The following RASSF8 variants were observed in gnomAD, a reference collection of about 807,000 sequenced individuals.
RASSF8 encodes ras association domain-containing protein 8.
A neutral mutation model predicts 48.5 loss-of-function variants in RASSF8; 22 were observed. That is an observed-to-expected ratio of 0.45 (90% confidence interval 0.32 to 0.65). RASSF8 has a LOEUF of 0.65. Among genes scored for constraint, RASSF8 ranks in the 30% least tolerant of loss-of-function variants. The probability of loss-of-function intolerance (pLI) is 0.03; values close to 1 mark genes in which losing one functional copy is unlikely to be tolerated. For synonymous variants in RASSF8, 127 were observed against 171.5 expected (o/e 0.74, Z 2.03); for missense variants, 418 against 489.2 (o/e 0.85, Z 1.37).
chr12:26,039,203 G>A (rs971941672), intron 2 of RASSF8, among the ~76,000 whole-genome samples: 1 of 152,202 alleles, frequency 6.6e-6, no homozygotes, highest in Non-Finnish European at 1.5e-5. Flanking sequence ...ATTGCCAGAA[G>A]AATTAGCTTT....
At chr12:26,035,390 A>AC (rs1943111966) in intron 2 of RASSF8, among the ~76,000 whole-genome samples, 1 of 144,946 alleles carries the variant, frequency 6.9e-6, no homozygotes, top group Non-Finnish European at 1.5e-5. Context: ...ATATAATATA[A>AC]TTATATGAAA....
chr12:25,998,203 T>A (rs1942174962), intron 2 of RASSF8, among the ~76,000 whole-genome samples: 1 of 152,248 alleles, frequency 6.6e-6, no homozygotes, highest in Non-Finnish European at 1.5e-5. Flanking sequence ...TACTGCAGTC[T>A]TAATTGGGTA....
intron 1 of RASSF8, among the ~76,000 whole-genome samples, chr12:25,974,092 G>T (rs1189208260): frequency 1.3e-5 from 2 of 152,110 alleles, no homozygotes; most frequent in Non-Finnish European, 2.9e-5. Flanking sequence ...GAGCTCGGTG[G>T]TCCAGGGAGA....
chr12:26,004,036 GTGT>G (rs1942326588), intron 2 of RASSF8, among the ~76,000 whole-genome samples: 1 of 152,052 alleles, frequency 6.6e-6, no homozygotes, highest in Admixed American at 6.5e-5. Context: ...AATTAGACAG[GTGT>G]TGTGACATAT....
At chr12:25,972,490 A>G (rs1941506829) in intron 1 of RASSF8, among the ~76,000 whole-genome samples, 2 of 152,180 alleles carry the variant, frequency 1.3e-5, no homozygotes, top group African/African-American at 4.8e-5. Context: ...CTAATGGTTA[A>G]TATCAGGGCA....
chr12:26,045,975 T>G (rs1452754435), intron 2 of RASSF8, among the ~76,000 whole-genome samples: 1 of 152,122 alleles, frequency 6.6e-6, no homozygotes, highest in East Asian at 1.9e-4. Flanking sequence ...GAAAAGTGAT[T>G]CTATTTTTGG....
intron 3 of RASSF8, among the ~76,000 whole-genome samples, chr12:26,060,790 T>C (rs1302639651): frequency 6.6e-6 from 1 of 152,190 alleles, no homozygotes; most frequent in Non-Finnish European, 1.5e-5. Context: ...TTCAGTGCTG[T>C]TGGATAGCTT....
At chr12:26,074,466 C>G (rs1046097835), downstream of RASSF8, among the ~76,000 whole-genome samples, 1 of 152,020 alleles carries the variant, frequency 6.6e-6, no homozygotes, top group Middle Eastern at 3.2e-3. Flanking sequence ...CCTCAGCCTC[C>G]TGAGTAGCTG....
Position 26,071,533 on chromosome 12 carries a change from G to A in RASSF8, c.*2715G>A, listed in dbSNP as rs1208798512. On this transcript the variant is annotated 3_prime_UTR_variant, in exon 6 of 6. Coordinates refer to ENST00000689635, the MANE Select transcript of RASSF8 (RefSeq NM_001394098.1). Reference sequence around the variant, plus strand: ...CATTGGTATATTTGACCTTTTGAGTGTCTGTCATCCTCAGAGAATGGCCCA... The same window carrying A: ...CATTGGTATATTTGACCTTTTGAGTATCTGTCATCCTCAGAGAATGGCCCA... 7.2e-6 allele frequency: 7 copies of A among 974,942 alleles called. No homozygotes were observed. The highest frequency in any genetic ancestry group is 4.7e-5 in the South Asian group (1 of 21,104). 60.4% of individuals were successfully genotyped at this position (974,942 alleles called of 1,614,324 possible).
chr12:25,997,881 A>G (rs1942168595), intron 2 of RASSF8, among the ~76,000 whole-genome samples: 2 of 152,190 alleles, frequency 1.3e-5, no homozygotes, highest in Admixed American at 6.5e-5. Context: ...TGCATGTTTC[A>G]GTGCTTTGAA....
intron 2 of RASSF8, among the ~76,000 whole-genome samples, chr12:26,024,640 G>T (rs1445864750): frequency 6.6e-6 from 1 of 152,168 alleles, no homozygotes; most frequent in Non-Finnish European, 1.5e-5. Flanking sequence ...TCCTAGGAAT[G>T]CAAGGGTTGG....
intron 1 of RASSF8, among the ~76,000 whole-genome samples, chr12:25,986,797 C>G (rs1297010056): frequency 2.6e-5 from 4 of 152,150 alleles, no homozygotes; most frequent in Admixed American, 6.5e-5. Flanking sequence ...CTTTTGCTGC[C>G]TCTTCTCTTT....
intron 1 of RASSF8, among the ~76,000 whole-genome samples, chr12:25,990,440 A>G (rs1046179029): frequency 3.3e-5 from 5 of 152,228 alleles, no homozygotes; most frequent in Non-Finnish European, 7.3e-5. Context: ...AAATATGATA[A>G]GAGCTTGGTA....
chr12:26,029,491 TTA>T (rs1371331119), intron 2 of RASSF8, among the ~76,000 whole-genome samples: 1 of 152,218 alleles, frequency 6.6e-6, no homozygotes, highest in Non-Finnish European at 1.5e-5. Context: ...ATTCATATGT[TTA>T]TGTTTTGTCA....
chr12:25,961,474 T>A (rs1475257272), intron 1 of RASSF8, among the ~76,000 whole-genome samples: 1 of 152,172 alleles, frequency 6.6e-6, no homozygotes, highest in Admixed American at 6.5e-5. Context: ...CTAAATAGAC[T>A]TAAAAATTCA....
chr12:25,997,295 A>T (rs1942155767), intron 2 of RASSF8, among the ~76,000 whole-genome samples: 1 of 152,168 alleles, frequency 6.6e-6, no homozygotes, highest in Non-Finnish European at 1.5e-5. Flanking sequence ...ACGTTAGTGA[A>T]GGGAAAATAA....
At chr12:25,994,157 C>A (rs993163647) in intron 1 of RASSF8, among the ~76,000 whole-genome samples, 7 of 151,998 alleles carry the variant, frequency 4.6e-5, no homozygotes, top group Non-Finnish European at 8.8e-5. Flanking sequence ...CCAGTTCTTT[C>A]TTCTTATGCT....
intron 2 of RASSF8, among the ~76,000 whole-genome samples, chr12:26,051,656 G>A (rs1943493265): frequency 6.6e-6 from 1 of 152,102 alleles, no homozygotes; most frequent in Non-Finnish European, 1.5e-5. Flanking sequence ...ACTGTTTTAT[G>A]CACTGCTGAT....
chr12:26,036,750 A>T (rs1943159146), intron 2 of RASSF8, among the ~76,000 whole-genome samples: 1 of 151,926 alleles, frequency 6.6e-6, no homozygotes, highest in African/African-American at 2.4e-5. Context: ...TCTACTAAAA[A>T]AATAAAAAAT....
Sources: gnomAD v4.1 joint callset for allele counts (sites outside exome capture counted in the v4.1 genomes callset) on GRCh38, gnomAD v4.1.1 for gene constraint, MANE v1.5 for transcripts, NCBI Gene and HGNC (gene_info 2026-07-23, HGNC 2026-07-21) for gene names.